Variants in OTUD4 observed in about 807,000 individuals in gnomAD.
OTUD4 encodes OTU deubiquitinase 4.
In OTUD4, 24 loss-of-function variants were observed where a neutral mutation model predicts 130.4. The ratio of observed to expected loss-of-function variants is 0.18; its 90% CI spans 0.13 to 0.26. The LOEUF is 0.26. Ranked by LOEUF, OTUD4 falls within the 10% of genes least tolerant of loss-of-function variation. OTUD4 has a pLI of 1.00. For synonymous variants in OTUD4, 420 were observed against 472.5 expected, an observed-to-expected ratio of 0.89 and a Z score of 1.44; for missense variants, 1,031 against 1,329.4, an observed-to-expected ratio of 0.78 and a Z score of 3.49.
intron 11 of OTUD4, 37 bp downstream of exon 11, chr4:145,152,504 G>A (rs764754542): frequency 2.8e-6 from 3 of 1,076,476 alleles, no homozygotes; most frequent in African/African-American, 1.6e-5. Context: ...CTAAATGGAG[G>A]AGGCAGTAAA....
At chr4:145,163,725 A>G (rs75535600) in intron 5 of OTUD4, among the ~76,000 whole-genome samples, 4 of 143,714 alleles carry the variant, frequency 2.8e-5, no homozygotes, top group Non-Finnish European at 4.5e-5. Flanking sequence ...TTTTTTTTTA[A>G]GACGGAGGTT....
intron 10 of OTUD4, 70 bp downstream of exon 10, chr4:145,155,341 T>C: frequency 8.2e-7 from 1 of 1,217,534 alleles, no homozygotes. Context: ...CCTCAGCTGT[T>C]TTCTCTGTTT....
chr4:145,176,281 G>A (rs1443683659), intron 1 of OTUD4, among the ~76,000 whole-genome samples: 4 of 151,054 alleles, frequency 2.6e-5, no homozygotes, highest in Non-Finnish European at 4.4e-5. Context: ...TTCCTGTACC[G>A]TAAAGGGTTA....
intron 3 of OTUD4, among the ~76,000 whole-genome samples, chr4:145,166,453 A>T (rs1210976946): frequency 6.6e-6 from 1 of 152,150 alleles, no homozygotes; most frequent in Non-Finnish European, 1.5e-5. Context: ...ACATCTACAA[A>T]AGTGTATGTA....
At chr4:145,170,038 G>A (rs1752078572) in intron 3 of OTUD4, among the ~76,000 whole-genome samples, 1 of 152,186 alleles carries the variant, frequency 6.6e-6, no homozygotes, top group African/African-American at 2.4e-5. Flanking sequence ...GATGGAAGCT[G>A]AGAATTACAA....
intron 7 of OTUD4, among the ~76,000 whole-genome samples, chr4:145,156,501 T>C (rs1218727247): frequency 1.3e-5 from 2 of 152,012 alleles, no homozygotes; most frequent in Admixed American, 6.6e-5. Flanking sequence ...CTGACCAACA[T>C]GGAGAAACCC....
intron 5 of OTUD4, 89 bp from the exon 6 acceptor site, chr4:145,162,810 T>C: frequency 1.6e-6 from 1 of 608,022 alleles, no homozygotes; most frequent in South Asian, 2.4e-5. Context: ...TCTGAATTAC[T>C]AGATCATTTC....
rs1750269519 is a variant in OTUD4, at chr4:145,136,469, G to C, written c.*961C>G. 1 of 52,714 alleles carries C rather than the reference G, an allele frequency of 1.9e-5. No homozygotes were observed. The highest frequency in any genetic ancestry group is 6.6e-5 in the African/African-American group (1 of 15,150). The allele number at this position is 52,714 out of a possible 1,614,324, so 3.3% of individuals were successfully genotyped here. ...TGATACACAACCAATGGTGCGGGGGGGGGGGGGAGGAAGAAAACAACTCTA... is the reference window on the plus strand; with the variant it reads ...TGATACACAACCAATGGTGCGGGGGCGGGGGGGAGGAAGAAAACAACTCTA... On this transcript the variant is annotated 3_prime_UTR_variant, in exon 21 of 21. Transcript: ENST00000447906.
chr4:145,137,891 G>C lies in OTUD4; in HGVS notation c.2884C>G (p.His962Asp), dbSNP rs144738019. 6.2e-7 allele frequency: 1 copy of C among 1,614,108 alleles called. No homozygotes were observed. Among genetic ancestry groups the C allele is most frequent in the Non-Finnish European group, 8.5e-7 (1 of 1,180,002 alleles). ...SIPPVAEGKA[H>D]PPTQILNRER... The stretch of plus-strand genomic sequence containing the variant: ...CTGTTTAGAATCTGAGTGGGAGGAT[G>C]AGCCTTTCCCTCTGCTACAGGAGGG... The change falls in exon 21 of 21, where the codon CAT becomes GAT. Residue 962 changes from histidine to aspartate, a missense_variant. Transcript: ENST00000447906.
Position 145,137,321 on chromosome 4 carries a change from G to A in OTUD4, c.*109C>T, listed in dbSNP as rs1302449585. ...TGGGAGTGAAGGTAAGGGGGGCTGG[G>A]GAGAGGAAAGAGTTCCAACTGCGGT... is the stretch of plus-strand genomic sequence containing the variant. On this transcript the variant is annotated 3_prime_UTR_variant, in exon 21 of 21. Transcript: ENST00000447906. 45 of 878,252 alleles carry A rather than the reference G, an allele frequency of 5.1e-5. No homozygotes were observed. Among genetic ancestry groups the A allele is most frequent in the Non-Finnish European group, 7.3e-5 (41 of 560,820 alleles). The allele number at this position is 878,252 out of a possible 1,614,324, so 54.4% of individuals were successfully genotyped here.
intron 14 of OTUD4, among the ~76,000 whole-genome samples, chr4:145,145,512 T>A (rs1250009863): frequency 3.9e-5 from 6 of 152,126 alleles, no homozygotes; most frequent in African/African-American, 1.4e-4. Context: ...GTATACTGGG[T>A]AACCTCCCGT....
chr4:145,154,219 A>G (rs966686716), intron 10 of OTUD4, among the ~76,000 whole-genome samples: 1 of 152,190 alleles, frequency 6.6e-6, no homozygotes, highest in Non-Finnish European at 1.5e-5. Flanking sequence ...AGTTTTCCCA[A>G]TCAATGTAGT....
intron 7 of OTUD4, among the ~76,000 whole-genome samples, chr4:145,158,075 T>C (rs1751379988): frequency 6.6e-6 from 1 of 152,240 alleles, no homozygotes; most frequent in African/African-American, 2.4e-5. Flanking sequence ...AAAGTCAGTC[T>C]ATTCTAGAAT....
chr4:145,148,609 A>G (rs1394517043), intron 13 of OTUD4, among the ~76,000 whole-genome samples: 2 of 152,254 alleles, frequency 1.3e-5, no homozygotes, highest in Admixed American at 6.5e-5. Context: ...ACACTGGATT[A>G]TAAATTCAGT....
chr4:145,158,512 CA>C (rs74576967), intron 7 of OTUD4, among the ~76,000 whole-genome samples: 132 of 141,932 alleles, frequency 9.3e-4, no homozygotes, highest in Admixed American at 2.6e-3. Context: ...CAAAAAAAAA[CA>C]AAAAAAAAAC....
Position 145,180,370 on chromosome 4 carries a change from C to A in OTUD4, c.-397G>T, listed in dbSNP as rs1350157673. ...GAAGCGAGAAAACCCCCGCCCCTGG[C>A]GCGCACGCTGGGCCGGCTCAGGTGA... On this transcript the variant is annotated 5_prime_UTR_variant, in exon 1 of 21. Transcript: ENST00000447906. Among the ~76,000 whole-genome samples, 1 of 152,202 alleles carries A rather than the reference C, an allele frequency of 6.6e-6. No individual in the cohort carries two copies. The highest frequency in any genetic ancestry group is 1.5e-5 in the Non-Finnish European group (1 of 68,034).
At chr4:145,140,649 C>A (rs1750514295) in intron 19 of OTUD4, among the ~76,000 whole-genome samples, 1 of 152,072 alleles carries the variant, frequency 6.6e-6, no homozygotes, top group Admixed American at 6.5e-5. Context: ...AAATATAGTA[C>A]TTTAACAGCC....
At position 145,141,557 on chromosome 4, in the gene OTUD4, T is replaced by C; in HGVS notation, c.1905A>G (p.Leu635=). ...TTGACACAGGAACTGGAGAGGGTGT[T>C]AAATGAGCTTGGGATACAGCTGAAT... is the stretch of plus-strand genomic sequence containing the variant. ...GPDSAVSQAH[L]TPSPVPVSIQ... is the part of the protein sequence containing the mutation. The change falls in exon 19 of 21, where the codon TTA becomes TTG. Residue 635 remains leucine (L), a synonymous_variant. Transcript: ENST00000447906. 1 of 1,609,042 alleles carries C rather than the reference T, an allele frequency of 6.2e-7. No individual in the cohort carries two copies. Among genetic ancestry groups the C allele is most frequent in the African/African-American group, 1.3e-5 (1 of 74,852 alleles).
At chr4:145,144,067 A>C in intron 15 of OTUD4, 66 bp from the exon 16 acceptor site, 1 of 1,326,778 alleles carries the variant, frequency 7.5e-7, no homozygotes, top group South Asian at 1.2e-5. Flanking sequence ...CAGAAGAACA[A>C]AATACGAAGA....
Sources: gnomAD v4.1 joint callset for allele counts (sites outside exome capture counted in the v4.1 genomes callset) on GRCh38, gnomAD v4.1.1 for gene constraint, MANE v1.5 for transcripts, NCBI Gene and HGNC (gene_info 2026-07-23, HGNC 2026-07-21) for gene names.